Variants in SLC12A2 observed in about 807,000 individuals in gnomAD.
The protein encoded by SLC12A2 is solute carrier family 12 member 2.
Under a neutral mutation model 136.3 loss-of-function variants are expected in SLC12A2, and 67 were observed. The ratio of observed to expected loss-of-function variants is 0.49; its 90% CI spans 0.40 to 0.60. SLC12A2 has a LOEUF of 0.60. SLC12A2 is among the 20% of genes least tolerant of loss of function. The pLI is 0.00. For synonymous variants in SLC12A2, 619 were observed against 562.9 expected (o/e 1.10, Z -1.41); for missense variants, 1,322 against 1,534.7 (o/e 0.86, Z 2.32).
Position 128,180,925 on chromosome 5 carries a change from A to AATGGAAAG in SLC12A2, c.3145_3152dup (p.Cys1052GlyfsTer14). ...CCTTACCTTCTGACGACCAAGAAAA[A>AATGGAAAG]ATGGAAAGACTGTAAGATCAGAGTA... On this transcript the variant is annotated frameshift_variant, in exon 23 of 27. Transcript: ENST00000262461. LOFTEE classifies it high-confidence loss of function. 1.2e-6 allele frequency: 2 copies of AATGGAAAG among 1,612,648 alleles called. No homozygotes were observed. Among genetic ancestry groups the AATGGAAAG allele is most frequent in the Non-Finnish European group, 1.7e-6 (2 of 1,178,770 alleles).
intron 17 of SLC12A2, among the ~76,000 whole-genome samples, chr5:128,163,791 A>G (rs1763117419): frequency 6.6e-6 from 1 of 152,224 alleles, no homozygotes; most frequent in African/African-American, 2.4e-5. Context: ...ATGCATTTCT[A>G]AGTAATAGAA....
chr5:128,090,429 ATATAT>A (rs1760265783), intron 1 of SLC12A2, among the ~76,000 whole-genome samples: 2 of 152,208 alleles, frequency 1.3e-5, no homozygotes, highest in African/African-American at 4.8e-5. Context: ...TGTTACATAT[ATATAT>A]TTGGGAAGTC....
chr5:128,083,802 T>C lies in SLC12A2; in HGVS notation c.-153T>C. On this transcript the variant is annotated 5_prime_UTR_variant, in exon 1 of 27. Coordinates refer to ENST00000262461, the MANE Select transcript of SLC12A2 (RefSeq NM_001046.3). Reference sequence around the variant, plus strand: ...CTCGCTCGGCTGCCGGTGGCCTCTGTGGCCGTCCAGGCTAGCGGCGGCCCG... The same window carrying C: ...CTCGCTCGGCTGCCGGTGGCCTCTGCGGCCGTCCAGGCTAGCGGCGGCCCG... 1.9e-6 allele frequency: 1 copy of C among 527,426 alleles called. No individual in the cohort carries two copies. Among genetic ancestry groups the C allele is most frequent in the Non-Finnish European group, 2.8e-6 (1 of 352,240 alleles). 32.7% of individuals were successfully genotyped at this position (527,426 alleles called of 1,614,324 possible).
At position 128,147,737 on chromosome 5, in the gene SLC12A2, T is replaced by G; in HGVS notation, c.1881+8T>G. ...GCTCCCAAAATATTTCAGGTAAGTG[T>G]TTTTATATTACAGGCTTTATTAAAG... On this transcript the variant is annotated splice_region_variant and intron_variant, in intron 11 of 26. Coordinates refer to ENST00000262461, the MANE Select transcript of SLC12A2 (RefSeq NM_001046.3). 6.6e-7 allele frequency: 1 copy of G among 1,507,902 alleles called. No homozygotes were observed. Among genetic ancestry groups the G allele is most frequent in the African/African-American group, 1.4e-5 (1 of 72,962 alleles). 93.4% of individuals were successfully genotyped at this position (1,507,902 alleles called of 1,614,324 possible). A position where few individuals can be genotyped will look rare whatever the true frequency, so the allele number is the denominator to read the frequency against.
At chr5:128,184,273 C>A in intron 24 of SLC12A2, 93 bp from the exon 25 acceptor site, 1 of 823,132 alleles carries the variant, frequency 1.2e-6, no homozygotes, top group Non-Finnish European at 1.9e-6. Context: ...ATGAGAGGCA[C>A]TAACTTTGCA....
At chr5:128,118,806 A>G (rs1486777384) in intron 4 of SLC12A2, among the ~76,000 whole-genome samples, 1 of 152,228 alleles carries the variant, frequency 6.6e-6, no homozygotes, top group Admixed American at 6.5e-5. Flanking sequence ...CCAACAAATT[A>G]AATCTGAATC....
At chr5:128,130,098 C>T (rs189566154) in intron 4 of SLC12A2, among the ~76,000 whole-genome samples, 2 of 151,478 alleles carry the variant, frequency 1.3e-5, no homozygotes, top group East Asian at 1.9e-4. Context: ...TAATTAAAAT[C>T]ATACCAACTG....
intron 26 of SLC12A2, 140 bp from the exon 27 acceptor site, chr5:128,186,356 C>G (rs1364561413): frequency 1.2e-6 from 1 of 851,640 alleles, no homozygotes; most frequent in Non-Finnish European, 1.8e-6. Flanking sequence ...GCAGAATTCT[C>G]CTGCACTCAG....
At chr5:128,116,163 C>A (rs897621979) in intron 4 of SLC12A2, among the ~76,000 whole-genome samples, 5 of 152,096 alleles carry the variant, frequency 3.3e-5, no homozygotes, top group African/African-American at 1.2e-4. Context: ...AGGGGATCAG[C>A]AAATCATCAA....
At chr5:128,107,277 T>G (rs1760975138) in intron 1 of SLC12A2, among the ~76,000 whole-genome samples, 1 of 152,190 alleles carries the variant, frequency 6.6e-6, no homozygotes, top group South Asian at 2.1e-4. Flanking sequence ...TTTTTTCTTT[T>G]ACCGTTTATG....
At chr5:128,111,836 A>G (rs977544547) in intron 1 of SLC12A2, among the ~76,000 whole-genome samples, 3 of 151,782 alleles carry the variant, frequency 2.0e-5, no homozygotes, top group South Asian at 2.1e-4. Context: ...GTATATATAT[A>G]TATATGGAGA....
chr5:128,083,909 G>A lies in SLC12A2; in HGVS notation c.-46G>A, dbSNP rs1051492330. ...CCAGGGGTGTGGAGGGCGTGCTGCC[G>A]GAGACGTCCGCCGGGCTCTGCAGTT... On this transcript the variant is annotated 5_prime_UTR_variant, in exon 1 of 27. Transcript: ENST00000262461. The A allele has an allele frequency of 1.2e-5, 15 of 1,212,910 alleles. No homozygotes were observed. Among genetic ancestry groups the A allele is most frequent in the Non-Finnish European group, 1.3e-5 (13 of 974,676 alleles). 75.1% of individuals were successfully genotyped at this position (1,212,910 alleles called of 1,614,324 possible).
intron 1 of SLC12A2, among the ~76,000 whole-genome samples, chr5:128,094,168 T>C (rs1287479120): frequency 6.6e-6 from 1 of 151,424 alleles, no homozygotes; most frequent in Non-Finnish European, 1.5e-5. Context: ...CAACTTAAGC[T>C]AACTTCAAGC....
chr5:128,119,455 C>G (rs982899775), intron 4 of SLC12A2, among the ~76,000 whole-genome samples: 5 of 152,100 alleles, frequency 3.3e-5, no homozygotes, highest in African/African-American at 1.2e-4. Context: ...TCCAGTTTTC[C>G]CAGCACCATT....
At chr5:128,168,768 C>T (rs891172816) in intron 18 of SLC12A2, 11 of 152,084 alleles carry the variant, frequency 7.2e-5, no homozygotes, top group East Asian at 1.9e-4. Context: ...CAATTGGTGC[C>T]GCTGCTGATC....
intron 1 of SLC12A2, among the ~76,000 whole-genome samples, chr5:128,105,164 T>G (rs1413736991): frequency 6.6e-6 from 1 of 152,180 alleles, no homozygotes; most frequent in Admixed American, 6.5e-5. Flanking sequence ...TGGTGAGGAT[T>G]AGAATAGTAA....
intron 17 of SLC12A2, among the ~76,000 whole-genome samples, chr5:128,162,852 C>A (rs1277207279): frequency 6.6e-6 from 1 of 152,180 alleles, no homozygotes; most frequent in Admixed American, 6.6e-5. Flanking sequence ...GCAAGCTGGT[C>A]CAACCCGTGG....
At chr5:128,172,166 T>TTCTA (rs1763396799) in intron 19 of SLC12A2, among the ~76,000 whole-genome samples, 1 of 152,228 alleles carries the variant, frequency 6.6e-6, no homozygotes, top group Non-Finnish European at 1.5e-5. Context: ...TCATAACGTT[T>TTCTA]TCTATCTTCA....
intron 24 of SLC12A2, among the ~76,000 whole-genome samples, chr5:128,184,087 G>A (rs1286281249): frequency 2.0e-5 from 3 of 151,914 alleles, no homozygotes; most frequent in African/African-American, 4.8e-5. Flanking sequence ...CATCGTATTG[G>A]TGCTTAGAAA....
Sources: gnomAD v4.1 joint callset for allele counts (sites outside exome capture counted in the v4.1 genomes callset) on GRCh38, gnomAD v4.1.1 for gene constraint, MANE v1.5 for transcripts, NCBI Gene and HGNC (gene_info 2026-07-23, HGNC 2026-07-21) for gene names.